SPOCK1: variants seen among roughly 807,000 people sequenced by gnomAD.
SPOCK1 encodes SPARC (osteonectin), cwcv and kazal like domains proteoglycan 1.
In SPOCK1, 23 loss-of-function variants were observed where a neutral mutation model predicts 55.3. The observed-to-expected ratio is 0.42, with a 90% confidence interval of 0.30 to 0.59. SPOCK1 has a LOEUF of 0.59. Among genes scored for constraint, SPOCK1 ranks in the 20% least tolerant of loss-of-function variants. The probability of loss-of-function intolerance (pLI) is 0.22; values close to 1 mark genes in which losing one functional copy is unlikely to be tolerated. For missense variants in SPOCK1, 499 were observed against 552.5 expected, an observed-to-expected ratio of 0.90 and a Z score of 0.97; for synonymous variants, 226 against 221.0, an observed-to-expected ratio of 1.02 and a Z score of -0.20.
chr5:137,491,710 G>A (rs1006586910), intron 2 of SPOCK1, among the ~76,000 whole-genome samples: 17 of 152,190 alleles, frequency 1.1e-4, no homozygotes, highest in African/African-American at 3.9e-4. Context: ...AAACACATGT[G>A]CCTAGTATGC....
chr5:137,438,267 G>C (rs1021973032), intron 2 of SPOCK1, among the ~76,000 whole-genome samples: 2 of 152,000 alleles, frequency 1.3e-5, no homozygotes, highest in African/African-American at 4.8e-5. Context: ...GGAGAGATGG[G>C]AAACTGGATG....
At chr5:136,999,891 G>A (rs1345782026) in intron 6 of SPOCK1, among the ~76,000 whole-genome samples, 1 of 152,014 alleles carries the variant, frequency 6.6e-6, no homozygotes, top group Non-Finnish European at 1.5e-5. Flanking sequence ...AACCTCTGTT[G>A]GGGAACCAAT....
chr5:137,246,652 A>G (rs528262641), intron 3 of SPOCK1, among the ~76,000 whole-genome samples: 47 of 152,326 alleles, frequency 3.1e-4, no homozygotes, highest in African/African-American at 1.0e-3. Context: ...GGGTAAGGAC[A>G]GTGTGGCCTG....
chr5:137,497,381 G>C (rs1754320831), intron 2 of SPOCK1, among the ~76,000 whole-genome samples: 1 of 152,206 alleles, frequency 6.6e-6, no homozygotes, highest in Admixed American at 6.5e-5. Flanking sequence ...CTTTTTTACT[G>C]TTATGCCTTG....
chr5:137,101,687 C>G (rs777806031), intron 5 of SPOCK1, among the ~76,000 whole-genome samples: 18 of 152,192 alleles, frequency 1.2e-4, no homozygotes, highest in Non-Finnish European at 2.1e-4. Flanking sequence ...GATGTCTGAA[C>G]ATCTGTGCTT....
intron 3 of SPOCK1, among the ~76,000 whole-genome samples, chr5:137,211,814 G>A (rs182764081): frequency 6.6e-6 from 1 of 152,198 alleles, no homozygotes; most frequent in Admixed American, 6.5e-5. Flanking sequence ...GAGAACTTTT[G>A]GATTGTTGAA....
chr5:137,215,249 C>G (rs1755694349), intron 3 of SPOCK1, among the ~76,000 whole-genome samples: 1 of 152,266 alleles, frequency 6.6e-6, no homozygotes, highest in South Asian at 2.1e-4. Context: ...TGTTAAGAAC[C>G]TGGTTTTCAC....
intron 4 of SPOCK1, among the ~76,000 whole-genome samples, chr5:137,112,790 T>G (rs1038474143): frequency 6.7e-6 from 1 of 149,542 alleles, no homozygotes; most frequent in African/African-American, 2.5e-5. Flanking sequence ...AGGAAAACAA[T>G]GTAGCCATTG....
At chr5:137,216,355 C>A (rs1000593621) in intron 3 of SPOCK1, among the ~76,000 whole-genome samples, 1 of 152,198 alleles carries the variant, frequency 6.6e-6, no homozygotes. Context: ...TCACCCAGGG[C>A]AGCCATTATG....
intron 4 of SPOCK1, among the ~76,000 whole-genome samples, chr5:137,124,011 G>C (rs1439935648): frequency 6.6e-6 from 1 of 152,072 alleles, no homozygotes; most frequent in Admixed American, 6.5e-5. Context: ...ATTTCTACCA[G>C]GTATTGCTCT....
chr5:137,271,005 A>AAATT (rs3043269), intron 2 of SPOCK1, among the ~76,000 whole-genome samples: 72,838 of 147,502 alleles, frequency 0.49, 18,417 homozygotes, highest in African/African-American at 0.58. Flanking sequence ...CTCTGTCTCA[A>AAATT]AATTAATTAA....
intron 2 of SPOCK1, among the ~76,000 whole-genome samples, chr5:137,458,874 G>T (rs941476333): frequency 7.9e-5 from 12 of 152,210 alleles, no homozygotes; most frequent in Non-Finnish European, 1.2e-4. Flanking sequence ...CAACTGTTCT[G>T]GGGTGGTTTT....
intron 5 of SPOCK1, among the ~76,000 whole-genome samples, chr5:137,093,672 G>C (rs10070716): frequency 0.25 from 37,943 of 152,144 alleles, 5,298 homozygotes; most frequent in Non-Finnish European, 0.32. Context: ...AGCTAAGATG[G>C]GGATGCGGAG....
At chr5:137,252,238 T>C (rs966123922) in intron 3 of SPOCK1, among the ~76,000 whole-genome samples, 65 of 152,350 alleles carry the variant, frequency 4.3e-4, no homozygotes, top group African/African-American at 1.5e-3. Context: ...ATTCACTTTC[T>C]TAATTACAAT....
chr5:137,248,899 C>T (rs1233957409), intron 3 of SPOCK1, among the ~76,000 whole-genome samples: 2 of 152,174 alleles, frequency 1.3e-5, no homozygotes, highest in African/African-American at 4.8e-5. Context: ...AGAATCTTGG[C>T]CAAGGAGGCC....
At chr5:137,255,198 C>T (rs369552722) in intron 3 of SPOCK1, among the ~76,000 whole-genome samples, 17 of 152,282 alleles carry the variant, frequency 1.1e-4, no homozygotes, top group Admixed American at 4.6e-4. Flanking sequence ...GGCGGGAACA[C>T]GGGCCACCCT....
intron 2 of SPOCK1, among the ~76,000 whole-genome samples, chr5:137,321,278 C>T (rs568232773): frequency 3.3e-4 from 50 of 149,898 alleles, no homozygotes; most frequent in Non-Finnish European, 6.9e-4. Flanking sequence ...TATAGGTATT[C>T]CAGAAGAAGG....
At chr5:137,206,985 C>T (rs1755530817) in intron 3 of SPOCK1, among the ~76,000 whole-genome samples, 1 of 152,226 alleles carries the variant, frequency 6.6e-6, no homozygotes, top group South Asian at 2.1e-4. Context: ...CATGCTGAAC[C>T]ACAGAGGCAC....
intron 2 of SPOCK1, among the ~76,000 whole-genome samples, chr5:137,339,453 C>T (rs886449133): frequency 2.6e-5 from 4 of 152,206 alleles, no homozygotes; most frequent in African/African-American, 9.7e-5. Context: ...CTGCAGCCAG[C>T]TCACCCCATG....
Sources: allele counts gnomAD v4.1 joint callset (sites outside exome capture counted in the v4.1 genomes callset), GRCh38; gene constraint gnomAD v4.1.1; transcripts MANE v1.5; gene names NCBI Gene and HGNC (gene_info 2026-07-23, HGNC 2026-07-21).